SIPA1L2: variants seen among roughly 807,000 people sequenced by gnomAD.
SIPA1L2 encodes the protein signal induced proliferation associated 1 like 2, also known as signal-induced proliferation-associated 1-like protein 2.
A neutral mutation model predicts 163.9 loss-of-function variants in SIPA1L2; 56 were observed. The observed-to-expected ratio is 0.34, with a 90% confidence interval of 0.28 to 0.43. The LOEUF is 0.43. Ranked by LOEUF, SIPA1L2 falls within the 20% of genes least tolerant of loss-of-function variation. The pLI is 1.00. For synonymous variants in SIPA1L2, 877 were observed against 865.7 expected, an observed-to-expected ratio of 1.01 and a Z score of -0.23; for missense variants, 1,974 against 2,193.5, an observed-to-expected ratio of 0.90 and a Z score of 2.00.
At chr1:232,627,138 C>A (rs1537580) in intron 1 of SIPA1L2, among the ~76,000 whole-genome samples, 84,667 of 152,002 alleles carry the variant, frequency 0.56, 24,529 homozygotes, top group East Asian at 0.69. Flanking sequence ...TTGTAATCCT[C>A]AACTACCACC....
intron 9 of SIPA1L2, chr1:232,462,259 C>G: frequency 4.5e-6 from 7 of 1,550,816 alleles, no homozygotes; most frequent in Non-Finnish European, 6.1e-6. Flanking sequence ...TGACTATGAC[C>G]TCACCTATCT....
chr1:232,503,362 G>T (rs1181032380), intron 3 of SIPA1L2, among the ~76,000 whole-genome samples: 1 of 152,190 alleles, frequency 6.6e-6, no homozygotes, highest in Non-Finnish European at 1.5e-5. Context: ...GGGGGCAGGG[G>T]TGGTACATTG....
chr1:232,602,019 A>T (rs986085427), intron 1 of SIPA1L2, among the ~76,000 whole-genome samples: 1 of 152,196 alleles, frequency 6.6e-6, no homozygotes, highest in Non-Finnish European at 1.5e-5. Flanking sequence ...TTTGAAGACC[A>T]TGCCCTTGAG....
Position 232,514,250 on chromosome 1 carries a change from C to T in SIPA1L2, c.1090G>A (p.Ala364Thr), listed in dbSNP as rs1667114135. ...RKNITTGASA[A>T]SQTQMPTGQT... ...CCCGTAGGCATCTGAGTCTGGGATGCTGCAGATGCCCCAGTGGTTATGTTT... is the reference window on the plus strand; with the variant it reads ...CCCGTAGGCATCTGAGTCTGGGATGTTGCAGATGCCCCAGTGGTTATGTTT... Residue 364 changes from alanine (A) to threonine (T), a missense_variant, in exon 3 of 23, where the codon GCA becomes ACA. By Grantham distance (58) the Ala-to-Thr change is moderately conservative. Around this residue, in one of 3 missense-constraint regions of SIPA1L2, gnomAD observed 607 missense variants for 624.0 expected, o/e 0.97. Coordinates refer to ENST00000674635, the MANE Select transcript of SIPA1L2 (RefSeq NM_020808.5). 3 of 1,614,076 alleles carry T rather than the reference C, an allele frequency of 1.9e-6. No homozygotes were observed. In the African/African-American group the frequency reaches 4.0e-5, roughly 22 times the overall value.
At chr1:232,439,026 C>G (rs1307907610) in intron 15 of SIPA1L2, 82 bp downstream of exon 15, 1 of 1,428,836 alleles carries the variant, frequency 7.0e-7, no homozygotes, top group African/African-American at 1.4e-5. Flanking sequence ...CTACTGCTTA[C>G]AGTTCAGGCT....
At chr1:232,500,127 A>G (rs1666391557) in intron 3 of SIPA1L2, among the ~76,000 whole-genome samples, 1 of 152,192 alleles carries the variant, frequency 6.6e-6, no homozygotes, top group African/African-American at 2.4e-5. Flanking sequence ...TTTTAAGCCC[A>G]CTGTTGAGTA....
intron 10 of SIPA1L2, among the ~76,000 whole-genome samples, chr1:232,457,992 T>C (rs1664024316): frequency 6.6e-6 from 1 of 152,042 alleles, no homozygotes; most frequent in Non-Finnish European, 1.5e-5. Context: ...TCCTAGAAAA[T>C]TGGAAAACTG....
rs755788361 is a variant in SIPA1L2, at chr1:232,460,884, T to C, written c.3095+3A>G. 6.2e-7 allele frequency: 1 copy of C among 1,611,116 alleles called. No individual in the cohort carries two copies. Among genetic ancestry groups the C allele is most frequent in the Non-Finnish European group, 8.5e-7 (1 of 1,177,672 alleles). On this transcript the variant is annotated splice_donor_region_variant and intron_variant, in intron 10 of 22. Coordinates refer to ENST00000674635, the MANE Select transcript of SIPA1L2 (RefSeq NM_020808.5). ...AGCATTACTTGGGCCTCCCACGCCT[T>C]ACCTTCGGGGCGAGCCGTCATCATG...
intron 1 of SIPA1L2, among the ~76,000 whole-genome samples, chr1:232,591,919 A>G (rs943461039): frequency 6.6e-6 from 1 of 152,190 alleles, no homozygotes; most frequent in African/African-American, 2.4e-5. Flanking sequence ...ATAAGAACAC[A>G]GTTGAAATGG....
rs2102755454 is a variant in SIPA1L2 at position 232,407,736 on chromosome 1, A to T, written c.4763-3558T>A. Among the ~76,000 whole-genome samples the T allele has an allele frequency of 2.0e-5, 3 of 152,322 alleles. No individual in the cohort carries two copies. The South Asian group carries it at 6.2e-4, about 32-fold the overall frequency. Reference sequence around the variant, plus strand: ...AGGCCTTCGTGGGGCAGCAACATGGAATCCAGAGTCTAGGATCACTAGTTG... The same window carrying T: ...AGGCCTTCGTGGGGCAGCAACATGGTATCCAGAGTCTAGGATCACTAGTTG... On this transcript the variant is annotated intron_variant, in intron 19 of 22. Transcript: ENST00000674635.
chr1:232,456,438 A>G (rs967696508), intron 10 of SIPA1L2, among the ~76,000 whole-genome samples: 1 of 152,212 alleles, frequency 6.6e-6, no homozygotes, highest in Non-Finnish European at 1.5e-5. Context: ...GAAAATTTCC[A>G]CTGTTTTGCA....
intron 1 of SIPA1L2, among the ~76,000 whole-genome samples, chr1:232,615,014 G>A (rs1233154538): frequency 1.3e-5 from 2 of 152,218 alleles, no homozygotes; most frequent in Non-Finnish European, 2.9e-5. Flanking sequence ...CATTCTGAGA[G>A]GAATAAGCTC....
At chr1:232,564,244 GT>G (rs1659258326) in intron 2 of SIPA1L2, among the ~76,000 whole-genome samples, 1 of 28,360 alleles carries the variant, frequency 3.5e-5, no homozygotes, top group South Asian at 1.4e-3. Flanking sequence ...TCGTGTGTGT[GT>G]GTGTGTGTGT....
chr1:232,445,403 C>T (rs1663153317), intron 11 of SIPA1L2, 126 bp downstream of exon 11: 1 of 1,400,192 alleles, frequency 7.1e-7, no homozygotes, highest in African/African-American at 1.4e-5. Flanking sequence ...GCCTTGCTAC[C>T]CTGCTTGCCA....
intron 18 of SIPA1L2, among the ~76,000 whole-genome samples, chr1:232,420,014 G>A (rs1661477038): frequency 6.6e-6 from 1 of 152,154 alleles, no homozygotes; most frequent in Admixed American, 6.5e-5. Flanking sequence ...TCTGAGAGGG[G>A]TTTGGAGTAG....
intron 17 of SIPA1L2, among the ~76,000 whole-genome samples, chr1:232,428,088 G>A (rs1329033434): frequency 6.6e-6 from 1 of 152,024 alleles, no homozygotes; most frequent in East Asian, 1.9e-4. Flanking sequence ...TTTCAGATGA[G>A]AGCATTGAGG....
At chr1:232,623,478 G>T (rs962110983) in intron 1 of SIPA1L2, among the ~76,000 whole-genome samples, 5 of 152,092 alleles carry the variant, frequency 3.3e-5, no homozygotes, top group Non-Finnish European at 7.4e-5. Flanking sequence ...CATGGTGGCA[G>T]GCACCTGTAG....
intron 2 of SIPA1L2, among the ~76,000 whole-genome samples, chr1:232,522,260 G>A (rs977029674): frequency 6.6e-6 from 1 of 152,026 alleles, no homozygotes; most frequent in African/African-American, 2.4e-5. Flanking sequence ...TCATGATTTG[G>A]TCCATGAGTT....
At chr1:232,442,971 C>T (rs1460366888) in intron 12 of SIPA1L2, among the ~76,000 whole-genome samples, 1 of 152,182 alleles carries the variant, frequency 6.6e-6, no homozygotes, top group East Asian at 1.9e-4. Context: ...ACTGACCGGC[C>T]ATTCTCTCCT....
Sources: allele counts gnomAD v4.1 joint callset (sites outside exome capture counted in the v4.1 genomes callset), GRCh38; gene constraint gnomAD v4.1.1; regional missense constraint gnomAD v4.1.1; transcripts MANE v1.5; gene names NCBI Gene and HGNC (gene_info 2026-07-23, HGNC 2026-07-21).